Variants in MLLT10 observed in about 807,000 individuals in gnomAD.
The protein encoded by MLLT10 is protein AF-10.
Under a neutral mutation model 129.1 loss-of-function variants are expected in MLLT10, and 30 were observed. The ratio of observed to expected loss-of-function variants is 0.23; its 90% CI spans 0.17 to 0.32. MLLT10 has a LOEUF of 0.32. Ranked by LOEUF, MLLT10 falls within the 10% of genes least tolerant of loss-of-function variation. The pLI is 1.00. For missense variants in MLLT10, 1,119 were observed against 1,268.3 expected (o/e 0.88, Z 1.79); for synonymous variants, 490 against 446.4 (o/e 1.10, Z -1.23).
intron 3 of MLLT10, among the ~76,000 whole-genome samples, chr10:21,549,884 C>T (rs1041803865): frequency 8.6e-5 from 13 of 152,042 alleles, no homozygotes; most frequent in Non-Finnish European, 1.9e-4. Flanking sequence ...GGTGATCTGC[C>T]CGCCTTGGCC....
intron 3 of MLLT10, among the ~76,000 whole-genome samples, chr10:21,566,423 G>C (rs1458953696): frequency 6.6e-6 from 1 of 150,788 alleles, no homozygotes; most frequent in Non-Finnish European, 1.5e-5. Flanking sequence ...CTGCCTCCCG[G>C]GTTCAAGTAG....
chr10:21,551,168 G>A (rs934292772), intron 3 of MLLT10, among the ~76,000 whole-genome samples: 5 of 151,478 alleles, frequency 3.3e-5, no homozygotes, highest in South Asian at 2.1e-4. Context: ...CTCATGATCC[G>A]CCTGCCTCGG....
chr10:21,678,171 C>A (rs1369992904), intron 11 of MLLT10, among the ~76,000 whole-genome samples: 1 of 152,130 alleles, frequency 6.6e-6, no homozygotes, highest in Non-Finnish European at 1.5e-5. Context: ...GTGGCCTGAT[C>A]TCAGCTCACT....
intron 15 of MLLT10, among the ~76,000 whole-genome samples, chr10:21,726,706 T>A (rs1038021810): frequency 3.1e-4 from 23 of 73,346 alleles, no homozygotes; most frequent in East Asian, 2.6e-3. Flanking sequence ...TTTTTTTTTT[T>A]ATTGTCTGAA....
intron 14 of MLLT10, among the ~76,000 whole-genome samples, chr10:21,717,011 C>CTT (rs2056614223): frequency 6.6e-6 from 1 of 151,730 alleles, no homozygotes; most frequent in African/African-American, 2.4e-5. Context: ...AATCCCAGCA[C>CTT]TTTGGGAGGC....
At chr10:21,590,057 C>T (rs2042352817) in intron 4 of MLLT10, among the ~76,000 whole-genome samples, 1 of 152,104 alleles carries the variant, frequency 6.6e-6, no homozygotes, top group African/African-American at 2.4e-5. Flanking sequence ...CCTCAGCCTC[C>T]TGAATAGGTG....
intron 10 of MLLT10, among the ~76,000 whole-genome samples, chr10:21,672,721 G>A (rs899196394): frequency 6.6e-6 from 1 of 152,288 alleles, no homozygotes; most frequent in African/African-American, 2.4e-5. Context: ...GGGAGAATGT[G>A]AGATATAGAT....
rs12221366 is a variant in MLLT10 at position 21,668,090 on chromosome 10, A to G, written c.796-2359A>G. On this transcript the variant is annotated intron_variant, in intron 9 of 22. Coordinates refer to ENST00000307729, the MANE Select transcript of MLLT10 (RefSeq NM_001195626.3). ...CAACAACAACAAAAAAAGAACTTAC[A>G]TTTTTCAGTAGAGCACCAAATGAAG... is the stretch of plus-strand genomic sequence containing the variant. 4.7e-4 allele frequency among the ~76,000 whole-genome samples: 71 copies of G among 152,248 alleles called. No individual in the cohort carries two copies. The East Asian group carries it at 7.5e-3, about 16-fold the overall frequency.
intron 3 of MLLT10, among the ~76,000 whole-genome samples, chr10:21,584,148 G>A (rs1006859712): frequency 2.0e-5 from 3 of 150,472 alleles, no homozygotes; most frequent in Admixed American, 6.6e-5. Flanking sequence ...GAATACAGGC[G>A]TCAGCCACCG....
intron 10 of MLLT10, 26 bp downstream of exon 10, chr10:21,670,730 A>T: frequency 6.3e-7 from 1 of 1,593,240 alleles, no homozygotes; most frequent in Non-Finnish European, 8.5e-7. Context: ...TAGTTAAAAT[A>T]CTTGTGTTTA....
chr10:21,639,510 C>T (rs1378576832), intron 8 of MLLT10, among the ~76,000 whole-genome samples: 1 of 152,104 alleles, frequency 6.6e-6, no homozygotes, highest in Admixed American at 6.5e-5. Context: ...AAGGATATTA[C>T]GAAGTATACA....
At chr10:21,612,871 C>T (rs1297393398) in intron 6 of MLLT10, among the ~76,000 whole-genome samples, 2 of 152,144 alleles carry the variant, frequency 1.3e-5, no homozygotes, top group Non-Finnish European at 2.9e-5. Flanking sequence ...CTCAATATTA[C>T]AATGGCGACT....
chr10:21,575,212 G>A (rs1405170711), intron 3 of MLLT10, among the ~76,000 whole-genome samples: 2 of 148,224 alleles, frequency 1.3e-5, no homozygotes, highest in African/African-American at 5.0e-5. Context: ...TTTTATTTTA[G>A]ACAGAGTTTT....
At chr10:21,721,487 A>C (rs1412316124) in intron 14 of MLLT10, among the ~76,000 whole-genome samples, 1 of 152,178 alleles carries the variant, frequency 6.6e-6, no homozygotes, top group Non-Finnish European at 1.5e-5. Context: ...AGCATGAGCC[A>C]AGTTCCTAGG....
chr10:21,648,326 C>A (rs1220909703), intron 8 of MLLT10, among the ~76,000 whole-genome samples: 1 of 152,124 alleles, frequency 6.6e-6, no homozygotes, highest in Non-Finnish European at 1.5e-5. Flanking sequence ...TCACAGAGGA[C>A]CAGAGTTCTT....
At chr10:21,612,821 T>G (rs1204314258) in intron 6 of MLLT10, among the ~76,000 whole-genome samples, 2 of 152,178 alleles carry the variant, frequency 1.3e-5, no homozygotes, top group African/African-American at 4.8e-5. Flanking sequence ...CTTCCTTACC[T>G]TCTGTGTCTC....
At chr10:21,537,706 T>C (rs1291823554) in intron 2 of MLLT10, among the ~76,000 whole-genome samples, 2 of 151,882 alleles carry the variant, frequency 1.3e-5, no homozygotes, top group Non-Finnish European at 2.9e-5. Context: ...TGACCTCAGG[T>C]GATCCTCCTG....
At position 21,628,740 on chromosome 10, in the gene MLLT10, CTTTTTTTTTT is replaced by C. The variant is rs1161362725; in HGVS notation, c.699+11548_699+11557del. Among the ~76,000 whole-genome samples the C allele has an allele frequency of 5.0e-5, 5 of 99,352 alleles. No individual in the cohort carries two copies. In the East Asian group the frequency reaches 1.1e-3, roughly 22 times the overall value. 65.2% of individuals were successfully genotyped at this position (99,352 alleles called of 152,430 possible). A position where few individuals can be genotyped will look rare whatever the true frequency, so the allele number is the denominator to read the frequency against. ...ACAGGCATGAACCACTGTGCCCTGC[CTTTTTTTTTT>C]TTTTTTTTTTTTTTGACACAGAGTC... On this transcript the variant is annotated intron_variant, in intron 8 of 22. Coordinates refer to ENST00000307729, the MANE Select transcript of MLLT10 (RefSeq NM_001195626.3).
At chr10:21,714,797 G>T (rs950378837) in intron 14 of MLLT10, among the ~76,000 whole-genome samples, 10 of 152,156 alleles carry the variant, frequency 6.6e-5, no homozygotes, top group South Asian at 2.1e-4. Context: ...CTCCCAAAGT[G>T]TTAGGATTAC....
Sources: gnomAD v4.1 joint callset for allele counts (sites outside exome capture counted in the v4.1 genomes callset) on GRCh38, gnomAD v4.1.1 for gene constraint, MANE v1.5 for transcripts, NCBI Gene and HGNC (gene_info 2026-07-23, HGNC 2026-07-21) for gene names.